LRRC8A: variants seen among roughly 807,000 people sequenced by gnomAD.
The protein encoded by LRRC8A is leucine rich repeat containing 8 VRAC subunit A.
In LRRC8A, 24 loss-of-function variants were observed where a neutral mutation model predicts 52.5. The observed-to-expected ratio is 0.46, with a 90% CI of 0.33 to 0.64. The LOEUF (loss-of-function observed/expected upper bound fraction) is 0.64, where lower values mean the gene tolerates loss of function less well. Ranked by LOEUF, LRRC8A falls within the 30% of genes least tolerant of loss-of-function variation. LRRC8A has a pLI of 0.02. For synonymous variants in LRRC8A, 492 were observed against 494.2 expected (o/e 1.00, Z 0.06); for missense variants, 677 against 1,094.7 (o/e 0.62, Z 5.38).
chr9:128,885,601 G>T (rs1839363000), intron 1 of LRRC8A, among the ~76,000 whole-genome samples: 1 of 152,100 alleles, frequency 6.6e-6, no homozygotes, highest in South Asian at 2.1e-4. Context: ...CTGGAGGGAG[G>T]TGCTCTGTCA....
intron 1 of LRRC8A, 184 bp downstream of exon 1, chr9:128,882,434 C>G (rs1839094093): frequency 6.0e-6 from 2 of 332,566 alleles, no homozygotes; most frequent in Admixed American, 9.7e-5. Flanking sequence ...CCCGGAGTCT[C>G]CGGGGCACCA....
intron 2 of LRRC8A, among the ~76,000 whole-genome samples, chr9:128,890,167 T>TGTGTGTGTGTGTGTGC (rs1554821412): frequency 6.6e-6 from 1 of 151,086 alleles, no homozygotes; most frequent in Admixed American, 6.6e-5. Context: ...TGTGTGTGTG[T>TGTGTGTGTGTGTGTGC]GTGCTGGGAA....
chr9:128,916,124 A>G lies in LRRC8A; in HGVS notation c.2186A>G (p.Gln729Arg). The G allele has an allele frequency of 6.2e-7, 1 of 1,611,530 alleles. No homozygotes were observed. The highest frequency in any genetic ancestry group is 8.5e-7 in the Non-Finnish European group (1 of 1,178,278). ...RIETLPPELF[Q>R]CRKLRALHLG... ...GAGACGCTCCCTCCGGAGCTCTTCC[A>G]GTGCCGGAAGCTGCGGGCCCTGCAC... The change falls in exon 4 of 4, where the codon CAG becomes CGG. Residue 729 changes from glutamine (Q) to arginine (R), a missense_variant. This residue lies in a region of LRRC8A where 169 missense variants were observed against 217.6 expected (regional missense o/e 0.78). Coordinates refer to ENST00000372600, the MANE Select transcript of LRRC8A (RefSeq NM_019594.4). The surrounding 1 kb of genome is among the most constrained non-coding windows in gnomAD (Gnocchi z 6.1).
intron 1 of LRRC8A, chr9:128,882,836 C>G (rs1160565532): frequency 2.5e-6 from 1 of 398,654 alleles, no homozygotes; most frequent in Non-Finnish European, 4.4e-6. Context: ...CAGACCCTGT[C>G]CCAGTCCTGT....
intron 1 of LRRC8A, chr9:128,883,049 C>T (rs1174808189): frequency 2.0e-5 from 7 of 341,940 alleles, no homozygotes; most frequent in South Asian, 3.1e-4. Flanking sequence ...TCTGCCGGTT[C>T]TCAGCTGTTG....
chr9:128,900,108 A>G (rs1839969967), intron 2 of LRRC8A, among the ~76,000 whole-genome samples: 1 of 152,114 alleles, frequency 6.6e-6, no homozygotes, highest in African/African-American at 2.4e-5. Context: ...GGGATTCCTC[A>G]GGGCTGGGCA....
intron 2 of LRRC8A, among the ~76,000 whole-genome samples, chr9:128,895,585 C>T (rs1839791948): frequency 1.3e-5 from 2 of 152,214 alleles, no homozygotes; most frequent in Non-Finnish European, 2.9e-5. Flanking sequence ...GGAACCTGGT[C>T]CCATTTGTCC....
At position 128,882,239 on chromosome 9, in the gene LRRC8A, C is replaced by T. The variant is rs1839064907; in HGVS notation, c.-127C>T. On this transcript the variant is annotated 5_prime_UTR_variant, in exon 1 of 4. Transcript: ENST00000372600. ...GGGCTGCCTGCCGGGCGGCCGGGCG[C>T]GGCGAGCCCAGGTGAGTGGACGGGG... The T allele has an allele frequency of 1.3e-5, 2 of 152,718 alleles. No homozygotes were observed. The allele number at this position is 152,718 out of a possible 1,614,324, so 9.5% of individuals were successfully genotyped here.
intron 2 of LRRC8A, among the ~76,000 whole-genome samples, chr9:128,886,582 A>G (rs1256505395): frequency 1.3e-5 from 2 of 152,164 alleles, no homozygotes; most frequent in East Asian, 1.9e-4. Flanking sequence ...GCTGATCACG[A>G]TAAGGGAGCT....
chr9:128,896,798 C>G (rs555149244), intron 2 of LRRC8A, among the ~76,000 whole-genome samples: 1 of 151,970 alleles, frequency 6.6e-6, no homozygotes, highest in Non-Finnish European at 1.5e-5. Flanking sequence ...GTCTGCTCAC[C>G]GCAACCTCCG....
intron 2 of LRRC8A, 93 bp downstream of exon 2, chr9:128,886,214 C>T (rs1839389629): frequency 6.6e-6 from 1 of 152,484 alleles, no homozygotes; most frequent in African/African-American, 2.4e-5. Context: ...TCTCCATCCC[C>T]ACAGTCCTTT....
intron 2 of LRRC8A, among the ~76,000 whole-genome samples, chr9:128,901,213 C>T (rs1380576389): frequency 6.6e-6 from 1 of 151,698 alleles, no homozygotes; most frequent in Non-Finnish European, 1.5e-5. Flanking sequence ...GCCTGTAATC[C>T]CAGCACTTTG....
chr9:128,906,450 A>G (rs1840255061), intron 2 of LRRC8A, among the ~76,000 whole-genome samples: 1 of 148,752 alleles, frequency 6.7e-6, no homozygotes, highest in Non-Finnish European at 1.5e-5. Flanking sequence ...AGCCTCCCGA[A>G]TAGCTGGGAT....
In LRRC8A at chr9:128,916,402, G is replaced by C. The variant is rs754714008; in HGVS notation, c.*31G>C. The stretch of plus-strand genomic sequence containing the variant: ...GCCGGCCCAGCACAGCAAGCAGCAG[G>C]ACCGCTGCCCAGTCCTCAGGCCCGG... On this transcript the variant is annotated 3_prime_UTR_variant, in exon 4 of 4. Transcript: ENST00000372600. This position sits in a 1 kb window ranked among gnomAD's most constrained non-coding sequence, Gnocchi z 6.1. 3 of 1,591,192 alleles carry C rather than the reference G, an allele frequency of 1.9e-6. No individual in the cohort carries two copies. Among genetic ancestry groups the C allele is most frequent in the Non-Finnish European group, 1.7e-6 (2 of 1,167,462 alleles).
At chr9:128,898,041 TGTGTGTGTGTGTG>T (rs1399757567) in intron 2 of LRRC8A, among the ~76,000 whole-genome samples, 1 of 122 alleles carries the variant, frequency 8.2e-3, no homozygotes, top group Non-Finnish European at 0.016. Context: ...GATTGTTCAG[TGTGTGTGTGTGTG>T]TGTGTGTGTG....
At chr9:128,909,393 G>C in intron 3 of LRRC8A, 72 bp downstream of exon 3, 1 of 1,441,238 alleles carries the variant, frequency 6.9e-7, no homozygotes, top group East Asian at 2.3e-5. Flanking sequence ...TGGGGCACTC[G>C]GCAGGCTCAG....
At position 128,907,459 on chromosome 9, in the gene LRRC8A, T is replaced by A; in HGVS notation, c.295T>A (p.Tyr99Asn). 2 of 1,613,866 alleles carry A rather than the reference T, an allele frequency of 1.2e-6. No homozygotes were observed. The highest frequency in any genetic ancestry group is 1.6e-4 in the Middle Eastern group (1 of 6,062). Reference protein sequence around the residue: ...TPDTGPTGIKYDLDRHQYNYV... With the variant: ...TPDTGPTGIKNDLDRHQYNYV... Reference sequence around the variant, plus strand: ...TGACACGGGCCCCACAGGCATCAAGTATGACCTGGACCGGCACCAGTACAA... The same window carrying A: ...TGACACGGGCCCCACAGGCATCAAGAATGACCTGGACCGGCACCAGTACAA... Residue 99 changes from tyrosine (Y) to asparagine (N), a missense_variant, in exon 3 of 4, where the codon TAT becomes AAT. This residue lies in a region of LRRC8A where 54 missense variants were observed against 49.7 expected (regional missense o/e 1.09). Coordinates refer to ENST00000372600, the MANE Select transcript of LRRC8A (RefSeq NM_019594.4). This position sits in a 1 kb window ranked among gnomAD's most constrained non-coding sequence, Gnocchi z 9.3.
chr9:128,889,595 A>C (rs539407491), intron 2 of LRRC8A, among the ~76,000 whole-genome samples: 32 of 152,054 alleles, frequency 2.1e-4, no homozygotes, highest in African/African-American at 7.0e-4. Flanking sequence ...CCCAGGTTCA[A>C]GCTATTCTCC....
intron 2 of LRRC8A, among the ~76,000 whole-genome samples, chr9:128,897,942 C>T (rs1304263204): frequency 1.0e-4 from 14 of 137,198 alleles, no homozygotes; most frequent in Admixed American, 2.4e-4. Context: ...GCTTGGATGA[C>T]AGAGTGAGAC....
Sources: gnomAD v4.1 joint callset for allele counts (sites outside exome capture counted in the v4.1 genomes callset) on GRCh38, gnomAD v4.1.1 for gene constraint, gnomAD v4.1.1 regional missense constraint, Gnocchi (gnomAD v3.1) non-coding constraint, MANE v1.5 for transcripts, NCBI Gene and HGNC (gene_info 2026-07-23, HGNC 2026-07-21) for gene names.